Variants in BAZ1A observed in about 807,000 individuals in gnomAD.
BAZ1A encodes the protein bromodomain adjacent to zinc finger domain protein 1A.
In BAZ1A, 50 loss-of-function variants were observed where a neutral mutation model predicts 185.2. The observed-to-expected ratio is 0.27, with a 90% CI of 0.22 to 0.34. The LOEUF is 0.34. BAZ1A is among the 10% of genes least tolerant of loss of function. The pLI is 1.00. For synonymous variants in BAZ1A, 571 were observed against 615.6 expected (o/e 0.93, Z 1.07); for missense variants, 1,356 against 1,839.9 (o/e 0.74, Z 4.81).
At chr14:34,844,485 T>C (rs961841611) in intron 3 of BAZ1A, among the ~76,000 whole-genome samples, 18 of 151,548 alleles carry the variant, frequency 1.2e-4, no homozygotes, top group African/African-American at 3.6e-4. Context: ...CCTATCAAAA[T>C]TCCAAAATTG....
At chr14:34,766,007 A>G (rs1878813006) in intron 21 of BAZ1A, among the ~76,000 whole-genome samples, 1 of 152,188 alleles carries the variant, frequency 6.6e-6, no homozygotes, top group African/African-American at 2.4e-5. Flanking sequence ...ATTTCCTACT[A>G]TTATTCTCAA....
chr14:34,784,829 T>C (rs116851702), intron 14 of BAZ1A, among the ~76,000 whole-genome samples: 9,651 of 151,200 alleles, frequency 0.064, 414 homozygotes, highest in Non-Finnish European at 0.099. Context: ...AAAAAAAATA[T>C]GGAACGCTTC....
chr14:34,806,775 G>T (rs973348675), intron 6 of BAZ1A, among the ~76,000 whole-genome samples: 6 of 151,318 alleles, frequency 4.0e-5, no homozygotes, highest in African/African-American at 9.7e-5. Flanking sequence ...TTGAGACAGG[G>T]TCTCACTCTG....
rs777852491 is a variant in BAZ1A, at chr14:34,811,053, A to G, written c.537-17T>C. On this transcript the variant is annotated splice_polypyrimidine_tract_variant and intron_variant, in intron 4 of 26. Coordinates refer to ENST00000360310, the MANE Select transcript of BAZ1A (RefSeq NM_013448.3). The stretch of plus-strand genomic sequence containing the variant: ...TTTTTCTTCCTAAAAAGAAGAGGGA[A>G]AAGACACAAATCAGTTAATAATTTG... 5.5e-5 allele frequency: 81 copies of G among 1,471,900 alleles called. No individual in the cohort carries two copies. The highest frequency in any genetic ancestry group is 7.2e-5 in the Non-Finnish European group (77 of 1,063,702). The allele number at this position is 1,471,900 out of a possible 1,614,324, so 91.2% of individuals were successfully genotyped here.
chr14:34,816,873 C>G (rs1344383451), intron 4 of BAZ1A: 1 of 443,198 alleles, frequency 2.3e-6, no homozygotes, highest in South Asian at 1.6e-5. Flanking sequence ...CAAGTAATTA[C>G]ACACAATGTG....
chr14:34,816,329 C>T (rs959774431), intron 4 of BAZ1A, among the ~76,000 whole-genome samples: 2 of 151,974 alleles, frequency 1.3e-5, no homozygotes, highest in Admixed American at 6.6e-5. Context: ...CCTCGTGATC[C>T]ACCCGCCCTG....
intron 3 of BAZ1A, among the ~76,000 whole-genome samples, chr14:34,838,447 A>C (rs1235274739): frequency 6.6e-6 from 1 of 152,160 alleles, no homozygotes; most frequent in Admixed American, 6.5e-5. Context: ...CTGTATTATA[A>C]CTATATCAAT....
At chr14:34,840,232 G>A (rs2042392763) in intron 3 of BAZ1A, among the ~76,000 whole-genome samples, 1 of 152,062 alleles carries the variant, frequency 6.6e-6, no homozygotes, top group African/African-American at 2.4e-5. Context: ...TTTGTGTAAT[G>A]CAAAAAATAT....
At chr14:34,786,466 A>G (rs1472755812) in intron 12 of BAZ1A, 1 of 401,008 alleles carries the variant, frequency 2.5e-6, no homozygotes, top group Non-Finnish European at 4.5e-6. Flanking sequence ...CAAATTACCA[A>G]TGAGACGCAC....
At chr14:34,782,703 A>G (rs761014813) in intron 16 of BAZ1A, among the ~76,000 whole-genome samples, 2 of 152,216 alleles carry the variant, frequency 1.3e-5, no homozygotes, top group Non-Finnish European at 2.9e-5. Flanking sequence ...TCCTTTGCAG[A>G]TTTCATTAAA....
At chr14:34,785,730 A>G in intron 14 of BAZ1A, 47 bp downstream of exon 14, 1 of 1,539,328 alleles carries the variant, frequency 6.5e-7, no homozygotes, top group Non-Finnish European at 9.0e-7. Flanking sequence ...TGGGCATAAG[A>G]GGGAGGAAGT....
At chr14:34,758,173 C>T (rs76204064) in intron 25 of BAZ1A, among the ~76,000 whole-genome samples, 8,654 of 150,432 alleles carry the variant, frequency 0.058, 452 homozygotes, top group Admixed American at 0.17. Flanking sequence ...GTACCAACTA[C>T]TCAAGTGGCT....
At chr14:34,825,955 A>T in intron 4 of BAZ1A, 58 bp downstream of exon 4, 1 of 1,447,660 alleles carries the variant, frequency 6.9e-7, no homozygotes, top group Non-Finnish European at 9.2e-7. Context: ...AAGTTATTTC[A>T]ATGGAATATC....
intron 17 of BAZ1A, among the ~76,000 whole-genome samples, chr14:34,777,206 T>G (rs768863293): frequency 3.3e-5 from 5 of 152,222 alleles, no homozygotes; most frequent in Non-Finnish European, 5.9e-5. Flanking sequence ...ATTCCACTCT[T>G]GTGGCCCAAA....
At chr14:34,862,412 T>G in intron 2 of BAZ1A, 90 bp from the exon 3 acceptor site, 1 of 1,452,370 alleles carries the variant, frequency 6.9e-7, no homozygotes, top group East Asian at 2.3e-5. Flanking sequence ...TCAGGTTATT[T>G]TTGTGCCTTT....
intron 3 of BAZ1A, among the ~76,000 whole-genome samples, chr14:34,836,251 C>T (rs1220153065): frequency 2.8e-5 from 2 of 70,350 alleles, no homozygotes; most frequent in Admixed American, 1.6e-4. Flanking sequence ...TGGTAGCGGG[C>T]GCCTGTAGTC....
At position 34,775,949 on chromosome 14, in the gene BAZ1A, G is replaced by A. The variant is rs116760279; in HGVS notation, c.2803C>T (p.Arg935Cys). 1,238 of 1,560,050 alleles carry A rather than the reference G, an allele frequency of 7.9e-4. 2 individuals are homozygous for A. Among genetic ancestry groups the A allele is most frequent in the Middle Eastern group, 7.1e-3 (41 of 5,798 alleles). ...EKSRICAQLA[R>C]FSEEKFHFSD... Reference sequence around the variant, plus strand: ...AAATGAAATTTCTCTTCAGAAAAACGGGCTAGCTGTGCACATATTCTGCTT... The same window carrying A: ...AAATGAAATTTCTCTTCAGAAAAACAGGCTAGCTGTGCACATATTCTGCTT... Residue 935 changes from arginine to cysteine, a missense_variant, in exon 18 of 27, where the codon CGT (arginine) becomes TGT (cysteine). By Grantham distance (180) the Arg-to-Cys change is radical (BLOSUM62 -3). Coordinates refer to ENST00000360310, the MANE Select transcript of BAZ1A (RefSeq NM_013448.3).
rs762536988 is a variant in BAZ1A at position 34,826,141 on chromosome 14, A to G, written c.408T>C (p.Ile136=). Residue 136 remains isoleucine (I), a synonymous_variant, in exon 4 of 27, where the codon ATT becomes ATC. Coordinates refer to ENST00000360310, the MANE Select transcript of BAZ1A (RefSeq NM_013448.3). The part of the protein sequence containing the change: ...RNNGARLQCR[I]LEVLPPSHQN... ...GATGTGATGGAGGGAGGACTTCCAA[A>G]ATCCTACACTGCAACCTGAAATAAA... is the stretch of plus-strand genomic sequence containing the variant. The G allele has an allele frequency of 1.9e-6, 3 of 1,608,910 alleles. No homozygotes were observed. In the South Asian group the frequency reaches 3.4e-5, roughly 18 times the overall value.
At chr14:34,817,157 G>T (rs1199100484) in intron 4 of BAZ1A, among the ~76,000 whole-genome samples, 1 of 151,766 alleles carries the variant, frequency 6.6e-6, no homozygotes, top group Non-Finnish European at 1.5e-5. Context: ...CTCTTATCCA[G>T]TCCTATTAAA....
Sources: allele counts gnomAD v4.1 joint callset (sites outside exome capture counted in the v4.1 genomes callset), GRCh38; gene constraint gnomAD v4.1.1; transcripts MANE v1.5; gene names NCBI Gene and HGNC (gene_info 2026-07-23, HGNC 2026-07-21).